Variants in MALRD1 observed in about 807,000 individuals in gnomAD.
MALRD1 encodes MAM and LDL receptor class A domain containing 1, also known as MAM and LDL-receptor class A domain-containing protein 1.
Under a neutral mutation model 242.1 loss-of-function variants are expected in MALRD1, and 247 were observed. The ratio of observed to expected loss-of-function variants is 1.02; its 90% CI spans 0.92 to 1.13. MALRD1 has a LOEUF of 1.13. MALRD1 is among the 50% of genes most tolerant of loss of function. MALRD1 has a pLI of 0.00. For missense variants in MALRD1, 2,989 were observed against 2,533.1 expected, an observed-to-expected ratio of 1.18 and a Z score of -3.86; for synonymous variants, 995 against 866.6, an observed-to-expected ratio of 1.15 and a Z score of -2.60.
chr10:19,378,312 G>A (rs1487539013), intron 26 of MALRD1, among the ~76,000 whole-genome samples: 1 of 152,142 alleles, frequency 6.6e-6, no homozygotes, highest in Non-Finnish European at 1.5e-5. Flanking sequence ...TGATGATAAT[G>A]ATGAAATGAA....
At chr10:19,567,045 C>T (rs111711864) in intron 32 of MALRD1, among the ~76,000 whole-genome samples, 6 of 152,056 alleles carry the variant, frequency 3.9e-5, no homozygotes, top group African/African-American at 1.4e-4. Context: ...TTTCTGTCTT[C>T]AAAATGTTAA....
chr10:19,687,801 G>A (rs956497428), intron 36 of MALRD1, among the ~76,000 whole-genome samples: 1 of 152,112 alleles, frequency 6.6e-6, no homozygotes, highest in Admixed American at 6.6e-5. Context: ...ATAAATAGAT[G>A]AGGAAGATAG....
At chr10:19,574,918 T>C (rs1162379350) in intron 33 of MALRD1, among the ~76,000 whole-genome samples, 2 of 152,190 alleles carry the variant, frequency 1.3e-5, no homozygotes, top group African/African-American at 4.8e-5. Context: ...GACTTCTCAC[T>C]ACTGGGCGTG....
At chr10:19,109,866 C>T (rs1406113831) in intron 5 of MALRD1, among the ~76,000 whole-genome samples, 5 of 152,178 alleles carry the variant, frequency 3.3e-5, no homozygotes, top group Non-Finnish European at 7.3e-5. Flanking sequence ...TTAGACTGGG[C>T]TTAGGGCCTG....
chr10:19,215,245 C>T (rs1456467256), intron 18 of MALRD1, among the ~76,000 whole-genome samples: 3 of 152,172 alleles, frequency 2.0e-5, no homozygotes, highest in African/African-American at 7.2e-5. Context: ...TTGTCTGCAG[C>T]TGATCTGGGC....
intron 22 of MALRD1, among the ~76,000 whole-genome samples, chr10:19,326,731 ATAATG>A (rs1254495445): frequency 6.6e-6 from 1 of 152,136 alleles, no homozygotes; most frequent in African/African-American, 2.4e-5. Context: ...AAAAAAACAG[ATAATG>A]TAATCATTAA....
At chr10:19,359,371 G>T (rs1258011973) in intron 26 of MALRD1, among the ~76,000 whole-genome samples, 1 of 152,124 alleles carries the variant, frequency 6.6e-6, no homozygotes, top group Non-Finnish European at 1.5e-5. Flanking sequence ...CATACAGTAT[G>T]TTGTGCAAGA....
At chr10:19,398,454 T>G (rs1376638358) in intron 28 of MALRD1, among the ~76,000 whole-genome samples, 2 of 152,160 alleles carry the variant, frequency 1.3e-5, no homozygotes, top group Non-Finnish European at 2.9e-5. Context: ...AAAGGCGTGA[T>G]GAACATAAAT....
chr10:19,524,183 A>C (rs1833995711), intron 31 of MALRD1, among the ~76,000 whole-genome samples: 1 of 152,176 alleles, frequency 6.6e-6, no homozygotes, highest in South Asian at 2.1e-4. Context: ...GCCTTTAAAA[A>C]TTGCAGATGT....
At chr10:19,586,948 G>A (rs150806231) in intron 33 of MALRD1, among the ~76,000 whole-genome samples, 2,072 of 152,310 alleles carry the variant, frequency 0.014, 36 homozygotes, top group African/African-American at 0.047. Flanking sequence ...TTTTAGGCCC[G>A]TCGGAAAAGC....
At chr10:19,296,303 CA>C (rs1285000833) in intron 21 of MALRD1, among the ~76,000 whole-genome samples, 7 of 152,080 alleles carry the variant, frequency 4.6e-5, no homozygotes, top group African/African-American at 1.7e-4. Context: ...GCCAGAATTA[CA>C]GTCCTTTACA....
At chr10:19,685,705 G>A (rs1326970) in intron 36 of MALRD1, among the ~76,000 whole-genome samples, 138,705 of 152,252 alleles carry the variant, frequency 0.91, 63,281 homozygotes, top group Admixed American at 0.94. Context: ...GCTGCTTATT[G>A]TAGCAGCCTA....
intron 36 of MALRD1, among the ~76,000 whole-genome samples, chr10:19,672,282 A>G (rs921486733): frequency 3.3e-5 from 5 of 151,974 alleles, no homozygotes; most frequent in Non-Finnish European, 7.4e-5. Context: ...CTCTATATAT[A>G]TAATATTATA....
chr10:19,256,580 A>G (rs79167609), intron 18 of MALRD1, among the ~76,000 whole-genome samples: 7,029 of 152,184 alleles, frequency 0.046, 198 homozygotes, highest in Middle Eastern at 0.078. Context: ...ATATTTGCCC[A>G]CTAGTTCTAT....
chr10:19,208,507 T>A (rs2131626878), intron 17 of MALRD1, among the ~76,000 whole-genome samples: 1 of 152,286 alleles, frequency 6.6e-6, no homozygotes, highest in South Asian at 2.1e-4. Flanking sequence ...GTGGTAATAC[T>A]GCCATTGAAG....
At chr10:19,539,862 G>T (rs1240586128) in intron 32 of MALRD1, among the ~76,000 whole-genome samples, 1 of 44,496 alleles carries the variant, frequency 2.2e-5, no homozygotes, top group Non-Finnish European at 4.4e-5. Context: ...TTGTGCGTGT[G>T]TGTGTGTGTG....
intron 36 of MALRD1, among the ~76,000 whole-genome samples, chr10:19,635,965 A>G (rs761346729): frequency 3.9e-5 from 6 of 152,028 alleles, no homozygotes; most frequent in Non-Finnish European, 8.8e-5. Flanking sequence ...CAATGGCACA[A>G]TCTTGGCTCA....
At chr10:19,500,679 T>C (rs1388405104) in intron 31 of MALRD1, among the ~76,000 whole-genome samples, 1 of 152,230 alleles carries the variant, frequency 6.6e-6, no homozygotes, top group East Asian at 1.9e-4. Flanking sequence ...AAACCCAATT[T>C]AGAAAGCATT....
intron 26 of MALRD1, among the ~76,000 whole-genome samples, chr10:19,380,186 G>T (rs1588991420): frequency 6.6e-6 from 1 of 151,328 alleles, no homozygotes; most frequent in East Asian, 2.0e-4. Context: ...TGTTGGCCAG[G>T]CTCGTCTCGA....
Sources: allele counts gnomAD v4.1 joint callset (sites outside exome capture counted in the v4.1 genomes callset), GRCh38; gene constraint gnomAD v4.1.1; transcripts MANE v1.5; gene names NCBI Gene and HGNC (gene_info 2026-07-23, HGNC 2026-07-21).